SPATA6L: variants seen among roughly 807,000 people sequenced by gnomAD.
SPATA6L encodes spermatogenesis associated 6-like protein.
SPATA6L carries 68 observed loss-of-function variants against 49.2 expected under a neutral mutation model. The ratio of observed to expected loss-of-function variants is 1.38; its 90% CI spans 1.14 to 1.69. The LOEUF (loss-of-function observed/expected upper bound fraction) is 1.69. SPATA6L is among the 40% of genes most tolerant of loss of function. The probability of loss-of-function intolerance (pLI) is 0.00; values close to 1 mark genes in which losing one functional copy is unlikely to be tolerated. For synonymous variants in SPATA6L, 198 were observed against 165.7 expected (o/e 1.19, Z -1.50); for missense variants, 668 against 464.3 (o/e 1.44, Z -4.03).
intron 10 of SPATA6L, 89 bp downstream of exon 10, chr9:4,605,258 G>T: frequency 1.0e-6 from 1 of 980,200 alleles, no homozygotes; most frequent in Non-Finnish European, 1.6e-6. Flanking sequence ...GTGGTTATTT[G>T]ATTAATGTCT....
chr9:4,603,873 G>A (rs975515386), intron 11 of SPATA6L, among the ~76,000 whole-genome samples: 2 of 152,186 alleles, frequency 1.3e-5, no homozygotes, highest in African/African-American at 4.8e-5. Context: ...AACAACATGT[G>A]CAGAGACCCC....
chr9:4,655,053 A>G (rs1160637220), intron 3 of SPATA6L, among the ~76,000 whole-genome samples: 4 of 152,220 alleles, frequency 2.6e-5, no homozygotes. Context: ...GGTATACCCA[A>G]GAGGCATTAA....
intron 3 of SPATA6L, among the ~76,000 whole-genome samples, 167 bp downstream of exon 3, chr9:4,655,874 G>T (rs1441897018): frequency 3.3e-5 from 5 of 152,044 alleles, no homozygotes; most frequent in African/African-American, 1.2e-4. Context: ...TATAGAAAAG[G>T]GTATGTAACA....
At chr9:4,660,749 C>T (rs1229149459) in intron 2 of SPATA6L, among the ~76,000 whole-genome samples, 1 of 152,156 alleles carries the variant, frequency 6.6e-6, no homozygotes, top group African/African-American at 2.4e-5. Flanking sequence ...TATTGCAGCA[C>T]TATTCACAAT....
chr9:4,614,389 A>C (rs978006441), intron 9 of SPATA6L, among the ~76,000 whole-genome samples: 1 of 152,212 alleles, frequency 6.6e-6, no homozygotes, highest in Admixed American at 6.5e-5. Flanking sequence ...GCAGAAAAGC[A>C]ACAGGGATTC....
At chr9:4,606,290 C>T (rs1226731059) in intron 9 of SPATA6L, among the ~76,000 whole-genome samples, 5 of 143,830 alleles carry the variant, frequency 3.5e-5, no homozygotes, top group East Asian at 4.8e-4. Flanking sequence ...CTGGGTGGAG[C>T]CCACCACAGC....
rs760103361 is a variant in SPATA6L, at chr9:4,625,583, A to G, written c.430-17T>C. On this transcript the variant is annotated splice_polypyrimidine_tract_variant and intron_variant, in intron 5 of 11. Transcript: ENST00000682582. ...TCTTTCTTCCTGAAATAAACAAAAA[A>G]AGAATATTTTTTAAAATAAAGAAAG... 6.8e-7 allele frequency: 1 copy of G among 1,468,956 alleles called. No individual in the cohort carries two copies. Among genetic ancestry groups the G allele is most frequent in the Admixed American group, 2.4e-5 (1 of 41,718 alleles). The allele number at this position is 1,468,956 out of a possible 1,614,324, so 91.0% of individuals were successfully genotyped here. A position where few individuals can be genotyped will look rare whatever the true frequency, so the allele number is the denominator to read the frequency against.
At chr9:4,659,162 G>C (rs531230894) in intron 2 of SPATA6L, among the ~76,000 whole-genome samples, 1 of 152,164 alleles carries the variant, frequency 6.6e-6, no homozygotes, top group African/African-American at 2.4e-5. Context: ...CAGCCAGTTT[G>C]GTACATTCTT....
chr9:4,662,854 G>A lies in SPATA6L; in HGVS notation c.40-818C>T, dbSNP rs1428161092. 6.9e-6 allele frequency: 11 copies of A among 1,605,334 alleles called. No individual in the cohort carries two copies. Among genetic ancestry groups the A allele is most frequent in the Non-Finnish European group, 8.5e-6 (10 of 1,179,952 alleles). On this transcript the variant is annotated intron_variant, in intron 1 of 11. Coordinates refer to ENST00000682582, the MANE Select transcript of SPATA6L (RefSeq NM_001353486.2). The surrounding 1 kb of genome is among the most constrained non-coding windows in gnomAD (Gnocchi z 4.9). ...TACTGCCTGTGCAGGAGCGACAGCT[G>A]GGCCGGGCGCGAGGTGCTGATGAAC...
chr9:4,606,337 T>TG (rs1344311007), intron 9 of SPATA6L, among the ~76,000 whole-genome samples: 2,711 of 139,762 alleles, frequency 0.019, 178 homozygotes, highest in African/African-American at 0.073. Flanking sequence ...GCGCCACGTC[T>TG]GGGGGCAGGG....
At chr9:4,596,647 T>C (rs1330719922), downstream of SPATA6L, 4 of 152,220 alleles carry the variant, frequency 2.6e-5, no homozygotes, top group Non-Finnish European at 4.4e-5. Flanking sequence ...AGAAAGCCTC[T>C]CTTGTTGGCC....
chr9:4,596,706 T>C (rs1018726307), downstream of SPATA6L, among the ~76,000 whole-genome samples: 1 of 152,210 alleles, frequency 6.6e-6, no homozygotes, highest in African/African-American at 2.4e-5. Flanking sequence ...AGACCTTAGT[T>C]GCTCTGTTAT....
intron 3 of SPATA6L, among the ~76,000 whole-genome samples, chr9:4,641,048 C>G (rs10974701): frequency 0.12 from 18,351 of 152,028 alleles, 1,545 homozygotes; most frequent in African/African-American, 0.23. Context: ...TATATATAGT[C>G]AACATATATA....
At chr9:4,625,151 G>A (rs1564196421) in intron 6 of SPATA6L, 176 bp downstream of exon 6, 8 of 1,201,674 alleles carry the variant, frequency 6.7e-6, no homozygotes, top group Middle Eastern at 5.9e-4. Context: ...CCTTTCTAGG[G>A]GTTTCCTGAC....
rs191263609 is a variant in SPATA6L, at chr9:4,611,730, G to A, written c.995+6193C>T. Reference sequence around the variant, plus strand: ...GAGTTAGTGGGTGCAGCGCACCAGCGTGGCACATGTATACATATGTAACTA... The same window carrying A: ...GAGTTAGTGGGTGCAGCGCACCAGCATGGCACATGTATACATATGTAACTA... On this transcript the variant is annotated intron_variant, in intron 9 of 11. Coordinates refer to ENST00000682582, the MANE Select transcript of SPATA6L (RefSeq NM_001353486.2). 1.9e-3 allele frequency among the ~76,000 whole-genome samples: 294 copies of A among 151,398 alleles called. 2 individuals are homozygous for A. Among genetic ancestry groups the A allele is most frequent in the African/African-American group, 6.7e-3 (276 of 41,226 alleles).
chr9:4,629,769 G>GTGTGTGTGTGTGTGTGTATA (rs1311805859), intron 4 of SPATA6L, among the ~76,000 whole-genome samples: 4 of 101,936 alleles, frequency 3.9e-5, no homozygotes, highest in African/African-American at 2.0e-4. Flanking sequence ...GTGTGTGTGT[G>GTGTGTGTGTGTGTGTGTATA]TATATATATA....
intron 9 of SPATA6L, among the ~76,000 whole-genome samples, chr9:4,613,648 A>G (rs887871800): frequency 3.3e-5 from 5 of 151,626 alleles, no homozygotes; most frequent in Non-Finnish European, 7.4e-5. Flanking sequence ...CAGTGGCGCT[A>G]CCTCCGCTCA....
chr9:4,612,145 T>A (rs117880141), intron 9 of SPATA6L, among the ~76,000 whole-genome samples: 5 of 152,178 alleles, frequency 3.3e-5, no homozygotes, highest in Non-Finnish European at 7.4e-5. Flanking sequence ...GAGCTCACTT[T>A]CAAATATTTT....
At chr9:4,656,112 T>A in intron 2 of SPATA6L, 23 bp from the exon 3 acceptor site, 2 of 1,603,398 alleles carry the variant, frequency 1.2e-6, no homozygotes, top group Middle Eastern at 1.7e-4. Flanking sequence ...ATGGGGAAAA[T>A]AAATTTTCAA....
Sources: allele counts gnomAD v4.1 joint callset (sites outside exome capture counted in the v4.1 genomes callset), GRCh38; gene constraint gnomAD v4.1.1; non-coding constraint Gnocchi (gnomAD v3.1); transcripts MANE v1.5; gene names NCBI Gene and HGNC (gene_info 2026-07-23, HGNC 2026-07-21).